SPINK5: variants seen among roughly 807,000 people sequenced by gnomAD.
SPINK5 encodes serine peptidase inhibitor Kazal type 5.
In SPINK5, 125 loss-of-function variants were observed where a neutral mutation model predicts 151.8. The observed-to-expected ratio is 0.82, with a 90% CI of 0.71 to 0.96. The LOEUF is 0.96. Ranked by LOEUF, SPINK5 falls within the 40% of genes least tolerant of loss-of-function variation. The pLI is 0.00. For missense variants in SPINK5, 1,194 were observed against 1,291.9 expected (o/e 0.92, Z 1.16); for synonymous variants, 374 against 395.3 (o/e 0.95, Z 0.64).
rs1269365298 is a variant in SPINK5, at chr5:148,094,308, T to A, written c.667-46T>A. On this transcript the variant is annotated intron_variant, in intron 8 of 32. Coordinates refer to ENST00000256084, the MANE Select transcript of SPINK5 (RefSeq NM_006846.4). Reference sequence around the variant, plus strand: ...AAATCCTGTCTCAAAAAATAAAATATCCTGAAATGAAATGAAGTAAAATAA... The same window carrying A: ...AAATCCTGTCTCAAAAAATAAAATAACCTGAAATGAAATGAAGTAAAATAA... 3 of 1,602,184 alleles carry A rather than the reference T, an allele frequency of 1.9e-6. No individual in the cohort carries two copies. In the East Asian group the frequency reaches 6.7e-5, roughly 36 times the overall value.
intron 18 of SPINK5, among the ~76,000 whole-genome samples, chr5:148,110,155 AT>A (rs2113152095): frequency 6.6e-6 from 1 of 152,338 alleles, no homozygotes; most frequent in African/African-American, 2.4e-5. Context: ...AGATAAGGAC[AT>A]TATTATTACG....
At chr5:148,127,429 C>T (rs1754458516) in intron 30 of SPINK5, among the ~76,000 whole-genome samples, 1 of 152,194 alleles carries the variant, frequency 6.6e-6, no homozygotes, top group Non-Finnish European at 1.5e-5. Flanking sequence ...TTAGCTTCCT[C>T]ACCTAGCTTC....
chr5:148,124,866 C>A, intron 28 of SPINK5, 29 bp downstream of exon 28: 1 of 1,552,320 alleles, frequency 6.4e-7, no homozygotes, highest in South Asian at 1.3e-5. Flanking sequence ...CCAAAATAAC[C>A]ATTTTACTTT....
intron 26 of SPINK5, among the ~76,000 whole-genome samples, chr5:148,121,143 CAAAAAAAAAAAAA>C (rs767012594): frequency 2.9e-5 from 2 of 68,664 alleles, no homozygotes; most frequent in African/African-American, 7.2e-5. Flanking sequence ...GACTCTGTCT[CAAAAAAAAAAAAA>C]AAAAAAAAAA....
intron 32 of SPINK5, among the ~76,000 whole-genome samples, chr5:148,135,630 G>A (rs1754678497): frequency 6.6e-6 from 1 of 152,164 alleles, no homozygotes; most frequent in Admixed American, 6.6e-5. Flanking sequence ...TTCAGTCCCT[G>A]TGTAAGATTC....
At chr5:148,082,539 TG>T (rs1753048527) in intron 4 of SPINK5, among the ~76,000 whole-genome samples, 1 of 151,100 alleles carries the variant, frequency 6.6e-6, no homozygotes, top group African/African-American at 2.4e-5. Flanking sequence ...ATTGATTATT[TG>T]TTATTTCTTA....
At position 148,137,230 on chromosome 5, in the gene SPINK5, G is replaced by A; in HGVS notation, c.*239G>A. 3.4e-6 allele frequency: 2 copies of A among 585,756 alleles called. No homozygotes were observed. The highest frequency in any genetic ancestry group is 2.8e-5 in the East Asian group (1 of 35,586). 36.3% of individuals were successfully genotyped at this position (585,756 alleles called of 1,614,324 possible). ...CAAGTCTGAGCCCTCAAAATGTCCT[G>A]ATTACAATGCTGTCTGTCCAACTGC... On this transcript the variant is annotated 3_prime_UTR_variant, in exon 33 of 33. Transcript: ENST00000256084.
At chr5:148,072,605 TC>T (rs1372075855) in intron 4 of SPINK5, among the ~76,000 whole-genome samples, 4 of 151,978 alleles carry the variant, frequency 2.6e-5, no homozygotes, top group African/African-American at 7.2e-5. Flanking sequence ...AATTTATGTA[TC>T]TCTGGATCTC....
In SPINK5 at chr5:148,123,828, G is replaced by T; in HGVS notation, c.2539-5G>T. 1.2e-6 allele frequency: 2 copies of T among 1,613,772 alleles called. No individual in the cohort carries two copies. The highest frequency in any genetic ancestry group is 8.5e-7 in the Non-Finnish European group (1 of 1,179,950). On this transcript the variant is annotated splice_region_variant and splice_polypyrimidine_tract_variant and intron_variant, in intron 26 of 32. Transcript: ENST00000256084. The stretch of plus-strand genomic sequence containing the variant: ...AGTAACAACTTTTTCTGCTACTGTT[G>T]GTAGGATCTGTGTCGTGAATTTCGA...
intron 21 of SPINK5, among the ~76,000 whole-genome samples, chr5:148,115,359 G>T (rs948024218): frequency 6.6e-6 from 1 of 152,194 alleles, no homozygotes; most frequent in African/African-American, 2.4e-5. Context: ...GTAATGGGAA[G>T]CTGCAAAAGT....
At chr5:148,124,004 T>G in intron 27 of SPINK5, 44 bp downstream of exon 27, 1 of 1,609,758 alleles carries the variant, frequency 6.2e-7, no homozygotes, top group Non-Finnish European at 8.5e-7. Flanking sequence ...TTGTGCCTGT[T>G]TGCTAGAAAT....
chr5:148,112,903 C>T lies in SPINK5; in HGVS notation c.1856C>T (p.Pro619Leu), dbSNP rs779248757. 4 of 1,613,742 alleles carry T rather than the reference C, an allele frequency of 2.5e-6. No individual in the cohort carries two copies. In the East Asian group the frequency reaches 8.9e-5, roughly 36 times the overall value. ...QEAKEKERAEPRAKVKREAEK... is the reference protein window; with the variant it reads ...QEAKEKERAELRAKVKREAEK... ...GCAAAAGAAAAAGAAAGAGCTGAACCCAGAGCAAAAGTCAAAAGAGAAGCT... is the reference window on the plus strand; with the variant it reads ...GCAAAAGAAAAAGAAAGAGCTGAACTCAGAGCAAAAGTCAAAAGAGAAGCT... The change falls in exon 20 of 33, where the codon CCC (proline) becomes CTC (leucine). Residue 619 changes from proline to leucine, a missense_variant. Transcript: ENST00000256084.
At chr5:148,092,049 C>A (rs748703437) in intron 8 of SPINK5, among the ~76,000 whole-genome samples, 6 of 151,782 alleles carry the variant, frequency 4.0e-5, no homozygotes, top group Non-Finnish European at 7.4e-5. Flanking sequence ...AAATAATCAT[C>A]CTGGGCCTTA....
rs17705005 is a variant in SPINK5, at chr5:148,127,030, A to G, written c.2915A>G (p.His972Arg). ...GCAAAGCTTCAAGAAAAGCCATCCC[A>G]TGTTAGAGCTTCTCAAGAGGAAGAC... ...ERAKLQEKPS[H>R]VRASQEEDSP... Residue 972 changes from histidine to arginine, a missense_variant, in exon 30 of 33, where the codon CAT (histidine) becomes CGT (arginine). By Grantham distance (29) the His-to-Arg change is conservative. Coordinates refer to ENST00000256084, the MANE Select transcript of SPINK5 (RefSeq NM_006846.4). 47,526 of 1,613,624 alleles carry G rather than the reference A, an allele frequency of 0.029. 856 individuals carry two copies. Among genetic ancestry groups the G allele is most frequent in the Non-Finnish European group, 0.034 (39,719 of 1,179,676 alleles).
intron 5 of SPINK5, among the ~76,000 whole-genome samples, chr5:148,087,777 G>A (rs889632201): frequency 4.6e-5 from 7 of 151,738 alleles, no homozygotes; most frequent in Non-Finnish European, 2.9e-5. Context: ...TGTACTATGC[G>A]ATGAGAATCA....
chr5:148,065,903 T>C (rs1446510820), intron 2 of SPINK5, among the ~76,000 whole-genome samples: 2 of 152,076 alleles, frequency 1.3e-5, no homozygotes, highest in African/African-American at 4.8e-5. Context: ...GCCCTGAAAA[T>C]TACGTTTTAG....
chr5:148,123,434 T>A (rs1754332914), intron 26 of SPINK5, among the ~76,000 whole-genome samples: 1 of 89,500 alleles, frequency 1.1e-5, no homozygotes, highest in African/African-American at 4.3e-5. Flanking sequence ...AGATATATAT[T>A]ATCTATCTAT....
chr5:148,074,899 T>C (rs1261018606), intron 4 of SPINK5, among the ~76,000 whole-genome samples: 1 of 151,764 alleles, frequency 6.6e-6, no homozygotes, highest in Non-Finnish European at 1.5e-5. Flanking sequence ...ATTTTGAATA[T>C]ATTTTGTTTT....
chr5:148,086,826 A>G (rs1753169416), intron 5 of SPINK5, among the ~76,000 whole-genome samples: 1 of 150,612 alleles, frequency 6.6e-6, no homozygotes, highest in Non-Finnish European at 1.5e-5. Context: ...AATGTTATAG[A>G]TTTTATATTT....
Sources: allele counts gnomAD v4.1 joint callset (sites outside exome capture counted in the v4.1 genomes callset), GRCh38; gene constraint gnomAD v4.1.1; transcripts MANE v1.5; gene names NCBI Gene and HGNC (gene_info 2026-07-23, HGNC 2026-07-21).